Variants in TJP1 observed in about 807,000 individuals in gnomAD.
TJP1 encodes the protein tight junction protein ZO-1.
Under a neutral mutation model 194.2 loss-of-function variants are expected in TJP1, and 43 were observed. The ratio of observed to expected loss-of-function variants is 0.22; its 90% CI spans 0.17 to 0.29. TJP1 has a LOEUF of 0.29. TJP1 is among the 10% of genes least tolerant of loss of function. TJP1 has a pLI of 1.00. For synonymous variants in TJP1, 801 were observed against 779.0 expected, an observed-to-expected ratio of 1.03 and a Z score of -0.47; for missense variants, 1,971 against 2,185.7, an observed-to-expected ratio of 0.90 and a Z score of 1.96.
At chr15:29,742,174 G>A (rs181727959) in intron 9 of TJP1, among the ~76,000 whole-genome samples, 5 of 151,992 alleles carry the variant, frequency 3.3e-5, no homozygotes, top group Admixed American at 6.6e-5. Context: ...GACAGCTGGA[G>A]CCCAGGAGTT....
At chr15:29,936,223 C>T (rs554544125) in intron 2 of TJP1, among the ~76,000 whole-genome samples, 1 of 152,192 alleles carries the variant, frequency 6.6e-6, no homozygotes, top group East Asian at 1.9e-4. Flanking sequence ...AGACTCTCCA[C>T]AGCCATCTAA....
chr15:29,820,914 G>C (rs2050287141), intron 1 of TJP1, among the ~76,000 whole-genome samples: 1 of 152,210 alleles, frequency 6.6e-6, no homozygotes, highest in Non-Finnish European at 1.5e-5. Context: ...ACAAGCTTCT[G>C]TGAGAGTTCA....
At chr15:29,866,831 G>A (rs796882924) in intron 2 of TJP1, among the ~76,000 whole-genome samples, 4 of 152,316 alleles carry the variant, frequency 2.6e-5, no homozygotes, top group African/African-American at 9.6e-5. Flanking sequence ...CCTGGAGAAG[G>A]AGATCTGCAG....
At chr15:29,919,384 T>C (rs961303926) in intron 2 of TJP1, among the ~76,000 whole-genome samples, 1 of 152,202 alleles carries the variant, frequency 6.6e-6, no homozygotes. Context: ...GATTGATTCA[T>C]GCAGTCATAC....
intron 2 of TJP1, among the ~76,000 whole-genome samples, chr15:29,881,163 G>A (rs2052914598): frequency 6.6e-6 from 1 of 152,050 alleles, no homozygotes; most frequent in Non-Finnish European, 1.5e-5. Flanking sequence ...ATATTTCATT[G>A]TAGTTTAGAT....
intron 18 of TJP1, among the ~76,000 whole-genome samples, chr15:29,725,108 AG>A (rs983686935): frequency 3.9e-5 from 6 of 152,224 alleles, no homozygotes; most frequent in African/African-American, 1.4e-4. Flanking sequence ...AATCCTTTCA[AG>A]TGCTGCAAAA....
At chr15:29,763,256 C>A (rs1249289006) in intron 5 of TJP1, among the ~76,000 whole-genome samples, 2 of 152,176 alleles carry the variant, frequency 1.3e-5, no homozygotes, top group African/African-American at 4.8e-5. Context: ...GTCCAGAGAA[C>A]TGCCCAGGTT....
At chr15:29,876,283 G>C (rs1016217438) in intron 2 of TJP1, among the ~76,000 whole-genome samples, 1 of 152,204 alleles carries the variant, frequency 6.6e-6, no homozygotes, top group Non-Finnish European at 1.5e-5. Context: ...ACTTTGGGAG[G>C]CTGAGGCGTG....
At chr15:29,953,422 G>A (rs1199981668) in intron 2 of TJP1, among the ~76,000 whole-genome samples, 2 of 152,180 alleles carry the variant, frequency 1.3e-5, no homozygotes, top group East Asian at 1.9e-4. Flanking sequence ...GATTACAGAC[G>A]TGAGCCACCA....
chr15:29,934,395 G>C (rs192743449), intron 2 of TJP1, among the ~76,000 whole-genome samples: 1 of 152,278 alleles, frequency 6.6e-6, no homozygotes, highest in African/African-American at 2.4e-5. Context: ...CTACACATCT[G>C]TGATTCAACA....
intron 2 of TJP1, among the ~76,000 whole-genome samples, chr15:29,786,099 C>T (rs141348883): frequency 1.7e-4 from 26 of 152,328 alleles, no homozygotes; most frequent in Admixed American, 1.6e-3. Context: ...AGATTTTCTA[C>T]CAACTTGGTA....
chr15:29,942,871 C>A (rs760500479), intron 2 of TJP1, among the ~76,000 whole-genome samples: 2 of 152,200 alleles, frequency 1.3e-5, no homozygotes, highest in Non-Finnish European at 2.9e-5. Context: ...AACCAACTCC[C>A]AAGTCATTTT....
At chr15:29,775,985 C>A (rs1000721663) in intron 2 of TJP1, among the ~76,000 whole-genome samples, 3 of 152,060 alleles carry the variant, frequency 2.0e-5, no homozygotes, top group East Asian at 1.9e-4. Context: ...AGCCTCAGTA[C>A]AATATATTGT....
intron 5 of TJP1, among the ~76,000 whole-genome samples, chr15:29,765,313 A>G (rs577505906): frequency 4.6e-5 from 7 of 152,294 alleles, no homozygotes; most frequent in Admixed American, 1.3e-4. Context: ...GGGGTATGGA[A>G]TACCACCTAG....
At chr15:29,709,086 T>C in intron 24 of TJP1, 50 bp from the exon 25 acceptor site, 1 of 1,529,580 alleles carries the variant, frequency 6.5e-7, no homozygotes, top group South Asian at 1.2e-5. Flanking sequence ...AAAGTTATAA[T>C]AGCCCTGTCC....
At chr15:29,927,513 T>C (rs1313868186) in intron 2 of TJP1, among the ~76,000 whole-genome samples, 2 of 151,924 alleles carry the variant, frequency 1.3e-5, no homozygotes, top group Non-Finnish European at 2.9e-5. Context: ...AAAAAATAAA[T>C]ATACTGGAGG....
rs566757436 is a variant in TJP1 at position 29,722,811 on chromosome 15, C to T, written c.2413-2103G>A. 1.3e-3 allele frequency among the ~76,000 whole-genome samples: 191 copies of T among 152,324 alleles called. 2 individuals are homozygous for T. In the Middle Eastern group the frequency reaches 0.027, roughly 22 times the overall value. On this transcript the variant is annotated intron_variant, in intron 18 of 27. Transcript: ENST00000614355. ...GCGTGGCTACAGGGGCAGAGCTGTC[C>T]AAGGCCTTGGTAGCTCACCCCTTGC... is the stretch of plus-strand genomic sequence containing the variant.
chr15:29,949,737 C>T (rs1193192990), intron 2 of TJP1, among the ~76,000 whole-genome samples: 1 of 121,930 alleles, frequency 8.2e-6, no homozygotes, highest in Admixed American at 9.0e-5. Context: ...ATCACCTCCA[C>T]CACCACCACC....
chr15:29,713,978 G>A (rs2042396091), intron 23 of TJP1, among the ~76,000 whole-genome samples: 2 of 152,156 alleles, frequency 1.3e-5, no homozygotes, highest in Admixed American at 6.5e-5. Flanking sequence ...TGAAAACAAT[G>A]ACCAGGTAAT....
Sources: allele counts gnomAD v4.1 joint callset (sites outside exome capture counted in the v4.1 genomes callset), GRCh38; gene constraint gnomAD v4.1.1; transcripts MANE v1.5; gene names NCBI Gene and HGNC (gene_info 2026-07-23, HGNC 2026-07-21).